The following FURIN variants were observed in gnomAD, a reference collection of about 807,000 sequenced individuals.
FURIN encodes FES upstream region.
Under a neutral mutation model 89.2 loss-of-function variants are expected in FURIN, and 18 were observed. The ratio of observed to expected loss-of-function variants is 0.20; its 90% CI spans 0.14 to 0.30. FURIN has a LOEUF of 0.30. Among genes scored for constraint, FURIN ranks in the 10% least tolerant of loss-of-function variants. The pLI, the probability that FURIN is intolerant of heterozygous loss-of-function variation, is 1.00. For synonymous variants in FURIN, 508 were observed against 466.4 expected (o/e 1.09, Z -1.15); for missense variants, 879 against 1,100.5 (o/e 0.80, Z 2.85).
Position 90,879,913 on chromosome 15 carries a change from G to T in FURIN, c.1305G>T (p.Val435=). The part of the protein sequence containing the change: ...GYGLLDAGAM[V]ALAQNWTTVA... ...GGCTTTTGGACGCAGGCGCCATGGTGGCCCTGGCCCAGAATTGGACCACAG... is the reference window on the plus strand; with the variant it reads ...GGCTTTTGGACGCAGGCGCCATGGTTGCCCTGGCCCAGAATTGGACCACAG... The change falls in exon 12 of 16, where the codon GTG becomes GTT. Residue 435 remains valine, a synonymous_variant. Coordinates refer to ENST00000268171, the MANE Select transcript of FURIN (RefSeq NM_002569.4). 3.1e-6 allele frequency: 5 copies of T among 1,613,424 alleles called. No individual in the cohort carries two copies. In the South Asian group the frequency reaches 5.5e-5, roughly 18 times the overall value.
intron 1 of FURIN, among the ~76,000 whole-genome samples, chr15:90,873,318 G>C (rs956642400): frequency 2.6e-5 from 4 of 152,084 alleles, no homozygotes; most frequent in Admixed American, 1.3e-4. Flanking sequence ...AGTTGCGCCT[G>C]ACGCCTGCTT....
In FURIN at chr15:90,876,613, T is replaced by A; in HGVS notation, c.372+56T>A. 2.6e-6 allele frequency: 3 copies of A among 1,148,302 alleles called. No individual in the cohort carries two copies. The highest frequency in any genetic ancestry group is 2.5e-5 in the South Asian group (2 of 80,264). The allele number at this position is 1,148,302 out of a possible 1,614,324, so 71.1% of individuals were successfully genotyped here. On this transcript the variant is annotated intron_variant, in intron 4 of 15. Coordinates refer to ENST00000268171, the MANE Select transcript of FURIN (RefSeq NM_002569.4). The surrounding 1 kb of genome is among the most constrained non-coding windows in gnomAD (Gnocchi z 5.0). The stretch of plus-strand genomic sequence containing the variant: ...CTCCCCAGATGCACCATCCACCCAC[T>A]ATGAGCTCTTGGATGGAGGAGGCTG...
rs767282347 is a variant in FURIN, at chr15:90,878,125, C to T, written c.668-7C>T. The T allele has an allele frequency of 1.8e-5, 29 of 1,613,464 alleles. No homozygotes were observed. Among genetic ancestry groups the T allele is most frequent in the Middle Eastern group, 1.7e-4 (1 of 6,042 alleles). The stretch of plus-strand genomic sequence containing the variant: ...CATCCCTCTTCGTGCCCCCCCTTCA[C>T]GGCCAGGGGTGCGCATGCTGGATGG... On this transcript the variant is annotated splice_polypyrimidine_tract_variant and splice_region_variant and intron_variant, in intron 7 of 15. Coordinates refer to ENST00000268171, the MANE Select transcript of FURIN (RefSeq NM_002569.4).
intron 1 of FURIN, among the ~76,000 whole-genome samples, chr15:90,870,481 T>C (rs920584660): frequency 3.9e-5 from 6 of 151,950 alleles, no homozygotes; most frequent in African/African-American, 7.3e-5. Context: ...ATTTTTTTTT[T>C]CCCATTACCC....
chr15:90,880,288 C>G lies in FURIN; in HGVS notation c.1556+15C>G, dbSNP rs543618850. ...CTGGCAGCCAGGTGCTTGCTCTGTC[C>G]CTGCCCGCCCTGCCCAGCGCCGCCG... On this transcript the variant is annotated intron_variant, in intron 13 of 15. Coordinates refer to ENST00000268171, the MANE Select transcript of FURIN (RefSeq NM_002569.4). 1.3e-6 allele frequency: 2 copies of G among 1,577,926 alleles called. No individual in the cohort carries two copies. Among genetic ancestry groups the G allele is most frequent in the Non-Finnish European group, 1.7e-6 (2 of 1,159,256 alleles).
intron 1 of FURIN, among the ~76,000 whole-genome samples, chr15:90,870,374 A>G (rs2031228410): frequency 1.3e-5 from 2 of 152,150 alleles, no homozygotes; most frequent in South Asian, 2.1e-4. Flanking sequence ...AGGAAAATGT[A>G]CTGTACCCAC....
intron 1 of FURIN, among the ~76,000 whole-genome samples, chr15:90,869,439 G>C (rs996430274): frequency 9.9e-5 from 15 of 152,204 alleles, no homozygotes; most frequent in Non-Finnish European, 2.2e-4. Flanking sequence ...CTCACAGAGA[G>C]TGGCTTTCAA....
intron 11 of FURIN, 44 bp downstream of exon 11, chr15:90,879,818 G>A (rs1028562658): frequency 1.2e-6 from 2 of 1,601,956 alleles, no homozygotes. Flanking sequence ...GAGTTAGGTA[G>A]AAGGCACTCT....
Position 90,880,176 on chromosome 15 carries a change from G to A in FURIN, c.1459G>A (p.Ala487Thr), listed in dbSNP as rs962905822. Residue 487 changes from alanine to threonine, a missense_variant, in exon 13 of 16, where the codon GCT becomes ACT. Physicochemically the swap from Ala to Thr is moderately conservative, Grantham distance 58 (BLOSUM62 0). Around this residue, in one of 5 missense-constraint regions of FURIN, gnomAD observed 457 missense variants for 490.7 expected, o/e 0.93. Coordinates refer to ENST00000268171, the MANE Select transcript of FURIN (RefSeq NM_002569.4). Reference sequence around the variant, plus strand: ...CAACCACATCACTCGGCTGGAGCACGCTCAGGCGCGGCTCACCCTGTCCTA... The same window carrying A: ...CAACCACATCACTCGGCTGGAGCACACTCAGGCGCGGCTCACCCTGTCCTA... ...EPNHITRLEHAQARLTLSYNR... is the reference protein window; with the variant it reads ...EPNHITRLEHTQARLTLSYNR... 4.3e-6 allele frequency: 7 copies of A among 1,612,320 alleles called. No individual in the cohort carries two copies. Among genetic ancestry groups the A allele is most frequent in the African/African-American group, 1.3e-5 (1 of 74,938 alleles).
Position 90,880,920 on chromosome 15 carries a change from T to G in FURIN, c.1682-10T>G, listed in dbSNP as rs200960670. On this transcript the variant is annotated splice_polypyrimidine_tract_variant and intron_variant, in intron 14 of 15. Transcript: ENST00000268171. ...GTCTTAACTCTTGCCTCCTCCCCGC[T>G]CTGGAACAGGGACGCTGACCAAGTT... The G allele has an allele frequency of 1.5e-5, 24 of 1,613,250 alleles. No homozygotes were observed. The East Asian group carries it at 5.3e-4, about 36-fold the overall frequency.
intron 1 of FURIN, among the ~76,000 whole-genome samples, chr15:90,874,457 T>A (rs539468769): frequency 2.0e-5 from 3 of 152,318 alleles, no homozygotes; most frequent in Admixed American, 2.0e-4. Flanking sequence ...AAAACGAGTC[T>A]GGGGCCCTGA....
Position 90,879,678 on chromosome 15 carries a change from C to G in FURIN, c.1162C>G (p.Leu388Val). 4.3e-6 allele frequency: 7 copies of G among 1,613,200 alleles called. No individual in the cohort carries two copies. The highest frequency in any genetic ancestry group is 5.9e-6 in the Non-Finnish European group (7 of 1,179,640). ...TCCCTTCCTTCTTTGCAGTAAGAACCTCACATGGCGGGACATGCAACACCT... is the reference window on the plus strand; with the variant it reads ...TCCCTTCCTTCTTTGCAGTAAGAACGTCACATGGCGGGACATGCAACACCT... ...IALTLEANKN[L>V]TWRDMQHLVV... Residue 388 changes from leucine to valine, a missense_variant, in exon 11 of 16, where the codon CTC (leucine) becomes GTC (valine). Physicochemically the swap from Leu to Val is conservative, Grantham distance 32. Coordinates refer to ENST00000268171, the MANE Select transcript of FURIN (RefSeq NM_002569.4).
rs1416975432 is a variant in FURIN, at chr15:90,881,811, C to G, written c.2318C>G (p.Ser773Cys). 2 of 1,613,492 alleles carry G rather than the reference C, an allele frequency of 1.2e-6. No homozygotes were observed. Among genetic ancestry groups the G allele is most frequent in the Non-Finnish European group, 1.7e-6 (2 of 1,179,994 alleles). The change falls in exon 16 of 16, where the codon TCT (serine) becomes TGT (cysteine). Residue 773 changes from serine to cysteine, a missense_variant. By Grantham distance (112) the Ser-to-Cys change is moderately radical. This residue lies in a region of FURIN where 457 missense variants were observed against 490.7 expected (regional missense o/e 0.93). Transcript: ENST00000268171. This position sits in a 1 kb window ranked among gnomAD's most constrained non-coding sequence, Gnocchi z 4.3. ...PPEAWQEECPSDSEEDEGRGE... is the reference protein window; with the variant it reads ...PPEAWQEECPCDSEEDEGRGE... ...GAAGCCTGGCAGGAGGAGTGCCCGTCTGACTCAGAAGAGGACGAGGGCCGG... is the reference window on the plus strand; with the variant it reads ...GAAGCCTGGCAGGAGGAGTGCCCGTGTGACTCAGAAGAGGACGAGGGCCGG...
At chr15:90,877,244 C>T (rs1289325885) in intron 6 of FURIN, 33 bp downstream of exon 6, 1 of 1,490,856 alleles carries the variant, frequency 6.7e-7, no homozygotes, top group East Asian at 2.3e-5. Flanking sequence ...CTCTGCCTCC[C>T]TTCTCCTTTC....
At chr15:90,880,573 T>C (rs2031903962) in intron 13 of FURIN, 118 bp from the exon 14 acceptor site, 2 of 1,139,312 alleles carry the variant, frequency 1.8e-6, no homozygotes, top group Non-Finnish European at 2.5e-6. Flanking sequence ...CAGGCACTTC[T>C]GGCCCCATGG....
intron 1 of FURIN, among the ~76,000 whole-genome samples, chr15:90,871,813 TCCGGAACTGGCC>T (rs2031320824): frequency 6.7e-6 from 1 of 148,946 alleles, no homozygotes; most frequent in South Asian, 2.1e-4. Context: ...CCGCCGGCTT[TCCGGAACTGGCC>T]CCGGGGCCGG....
chr15:90,880,158 A>G lies in FURIN; in HGVS notation c.1441A>G (p.Ile481Val). Residue 481 changes from isoleucine (I) to valine (V), a missense_variant, in exon 13 of 16, where the codon ATC (isoleucine) becomes GTC (valine). This residue lies in a region of FURIN where 457 missense variants were observed against 490.7 expected (regional missense o/e 0.93). Coordinates refer to ENST00000268171, the MANE Select transcript of FURIN (RefSeq NM_002569.4). ...CGCGTGCCTGGGCGAGCCCAACCAC[A>G]TCACTCGGCTGGAGCACGCTCAGGC... ...VTACLGEPNHITRLEHAQARL... is the reference protein window; with the variant it reads ...VTACLGEPNHVTRLEHAQARL... The G allele has an allele frequency of 1.2e-6, 2 of 1,612,568 alleles. No individual in the cohort carries two copies. The highest frequency in any genetic ancestry group is 1.7e-6 in the Non-Finnish European group (2 of 1,179,588).
Position 90,876,457 on chromosome 15 carries a change from C to A in FURIN, c.277-5C>A, listed in dbSNP as rs755038652. The A allele has an allele frequency of 5.6e-6, 9 of 1,610,028 alleles. No individual in the cohort carries two copies. The highest frequency in any genetic ancestry group is 4.5e-5 in the East Asian group (2 of 44,866). Reference sequence around the variant, plus strand: ...CCACACCATCTCTCCCTCACTCCCCCACAGGTACAGTGGCTGGAACAGCAG... The same window carrying A: ...CCACACCATCTCTCCCTCACTCCCCAACAGGTACAGTGGCTGGAACAGCAG... On this transcript the variant is annotated splice_region_variant and splice_polypyrimidine_tract_variant and intron_variant, in intron 3 of 15. Coordinates refer to ENST00000268171, the MANE Select transcript of FURIN (RefSeq NM_002569.4). The surrounding 1 kb of genome is among the most constrained non-coding windows in gnomAD (Gnocchi z 5.0).
At chr15:90,879,218 C>G (rs1395590413) in intron 9 of FURIN, among the ~76,000 whole-genome samples, 1 of 152,208 alleles carries the variant, frequency 6.6e-6, no homozygotes, top group Non-Finnish European at 1.5e-5. Context: ...TCTCCACCCT[C>G]TAGTTGAACC....
Sources: gnomAD v4.1 joint callset for allele counts (sites outside exome capture counted in the v4.1 genomes callset) on GRCh38, gnomAD v4.1.1 for gene constraint, gnomAD v4.1.1 regional missense constraint, Gnocchi (gnomAD v3.1) non-coding constraint, MANE v1.5 for transcripts, NCBI Gene and HGNC (gene_info 2026-07-23, HGNC 2026-07-21) for gene names.